The following MCM3AP variants were observed in gnomAD, a reference collection of about 807,000 sequenced individuals.
The protein encoded by MCM3AP is minichromosome maintenance complex component 3 associated protein.
In MCM3AP, 126 loss-of-function variants were observed where a neutral mutation model predicts 184.1. The observed-to-expected ratio is 0.68, with a 90% CI of 0.59 to 0.79. The LOEUF is 0.79. Ranked by LOEUF, MCM3AP falls within the 30% of genes least tolerant of loss-of-function variation. The pLI is 0.00. For synonymous variants in MCM3AP, 1,002 were observed against 979.3 expected, an observed-to-expected ratio of 1.02 and a Z score of -0.43; for missense variants, 2,496 against 2,479.2, an observed-to-expected ratio of 1.01 and a Z score of -0.14.
intron 27 of MCM3AP, among the ~76,000 whole-genome samples, chr21:46,236,031 TTC>T (rs2080518340): frequency 1.3e-5 from 2 of 152,364 alleles, no homozygotes; most frequent in African/African-American, 2.4e-5. Flanking sequence ...CGGATATTTA[TTC>T]TGTTTCGACT....
intron 9 of MCM3AP, chr21:46,267,499 G>C (rs1014771709): frequency 5.1e-5 from 10 of 197,926 alleles, no homozygotes; most frequent in Non-Finnish European, 1.0e-4. Flanking sequence ...GGACCCCGGA[G>C]ACCATGGAAT....
At chr21:46,283,221 G>A (rs527500038) in intron 2 of MCM3AP, among the ~76,000 whole-genome samples, 2 of 152,204 alleles carry the variant, frequency 1.3e-5, no homozygotes, top group African/African-American at 4.8e-5. Flanking sequence ...CACCACGCCC[G>A]GCCAATTTCA....
At chr21:46,268,699 C>T (rs553038224) in intron 9 of MCM3AP, among the ~76,000 whole-genome samples, 39 of 152,258 alleles carry the variant, frequency 2.6e-4, no homozygotes, top group Admixed American at 1.5e-3. Context: ...GCGCCACTGC[C>T]GGTGAAGAGC....
chr21:46,284,978 A>C lies in MCM3AP; in HGVS notation c.309T>G (p.Ser103=), dbSNP rs777873237. The change falls in exon 1 of 28, where the codon TCT becomes TCG. Residue 103 remains serine (S), a synonymous_variant. Coordinates refer to ENST00000291688, the MANE Select transcript of MCM3AP (RefSeq NM_003906.5). ...FVATSGPSSS[S]VLGNTGFSFK... is the part of the protein sequence containing the mutation. Reference sequence around the variant, plus strand: ...AACTAAATCCTGTGTTTCCCAGCACAGATGAACTTGAAGGCCCAGAGGTAG... The same window carrying C: ...AACTAAATCCTGTGTTTCCCAGCACCGATGAACTTGAAGGCCCAGAGGTAG... The C allele has an allele frequency of 1.2e-6, 2 of 1,614,198 alleles. No homozygotes were observed. The highest frequency in any genetic ancestry group is 3.3e-5 in the Admixed American group (2 of 60,028).
In MCM3AP at chr21:46,265,998, C is replaced by A; in HGVS notation, c.2958G>T (p.Gln986His). 6.2e-7 allele frequency: 1 copy of A among 1,608,614 alleles called. No homozygotes were observed. The highest frequency in any genetic ancestry group is 1.1e-5 in the South Asian group (1 of 89,104). The change falls in exon 11 of 28, where the codon CAG (glutamine) becomes CAT (histidine). Residue 986 changes from glutamine to histidine, a missense_variant. Gln to His is a conservative substitution (Grantham distance 24). Around this residue, in one of 5 missense-constraint regions of MCM3AP, gnomAD observed 1,323 missense variants for 1,273.4 expected, o/e 1.04. Coordinates refer to ENST00000291688, the MANE Select transcript of MCM3AP (RefSeq NM_003906.5). ...CCAGGCTCTCCCCGATGTACTTGTT[C>A]TGGGAGTTGAAGCTGCACACAGGGG... ...RHTPVCSFNS[Q>H]NKYIGESLAA...
Position 46,284,785 on chromosome 21 carries a change from G to A in MCM3AP, c.502C>T (p.Gln168Ter). 1 of 1,613,722 alleles carries A rather than the reference G, an allele frequency of 6.2e-7. No individual in the cohort carries two copies. The highest frequency in any genetic ancestry group is 8.5e-7 in the Non-Finnish European group (1 of 1,179,912). The stretch of plus-strand genomic sequence containing the variant: ...AAAAACCCAGAAGCAATTTGGCTCT[G>A]GGTTTTCTCTGGCTCAGATTCAGCC... Reference protein sequence around the residue: ...LGAESEPEKTQSQIASGFFTF... With the variant: ...LGAESEPEKT The change falls in exon 1 of 28, where the codon CAG becomes TAG. Residue 168 changes from glutamine to a stop codon, truncating the protein, a stop_gained. Transcript: ENST00000291688. LOFTEE classifies it high-confidence loss of function.
chr21:46,243,026 C>A, intron 24 of MCM3AP, 95 bp from the exon 25 acceptor site: 2 of 1,151,714 alleles, frequency 1.7e-6, no homozygotes, highest in Non-Finnish European at 2.4e-6. Context: ...AAAACAGGTA[C>A]AAATAATATT....
At chr21:46,283,926 G>C in intron 1 of MCM3AP, 88 bp from the exon 2 acceptor site, 1 of 1,548,930 alleles carries the variant, frequency 6.5e-7, no homozygotes, top group Non-Finnish European at 8.8e-7. Flanking sequence ...GAAATTTTCA[G>C]ATGTAAGACC....
At chr21:46,248,805 A>G (rs2080821375) in intron 20 of MCM3AP, among the ~76,000 whole-genome samples, 1 of 152,212 alleles carries the variant, frequency 6.6e-6, no homozygotes, top group African/African-American at 2.4e-5. Flanking sequence ...CAATTGGAAA[A>G]TAAAGTCAAG....
At chr21:46,239,805 G>A (rs997459967) in intron 26 of MCM3AP, among the ~76,000 whole-genome samples, 1 of 152,034 alleles carries the variant, frequency 6.6e-6, no homozygotes, top group African/African-American at 2.4e-5. Context: ...ATGAATCCAG[G>A]GGGCAGCTGG....
chr21:46,251,721 TGAA>T (rs1773379104), intron 19 of MCM3AP, 39 bp from the exon 20 acceptor site: 2 of 1,276,004 alleles, frequency 1.6e-6, no homozygotes, highest in Non-Finnish European at 2.2e-6. Flanking sequence ...AAAAAACACT[TGAA>T]GAATCTAATT....
chr21:46,238,776 C>T (rs1305959478), intron 26 of MCM3AP, among the ~76,000 whole-genome samples: 1 of 152,146 alleles, frequency 6.6e-6, no homozygotes, highest in Non-Finnish European at 1.5e-5. Flanking sequence ...TAATCGGACA[C>T]ATTCATTCAC....
At chr21:46,278,742 C>T (rs1307401901) in intron 4 of MCM3AP, among the ~76,000 whole-genome samples, 1 of 151,750 alleles carries the variant, frequency 6.6e-6, no homozygotes, top group Non-Finnish European at 1.5e-5. Context: ...GGCGCAATCT[C>T]GGCTCACTGC....
chr21:46,245,234 A>G (rs1358476137), intron 22 of MCM3AP, 37 bp from the exon 23 acceptor site: 2 of 1,560,576 alleles, frequency 1.3e-6, no homozygotes, highest in Non-Finnish European at 1.7e-6. Context: ...AACAATTCAC[A>G]CTGTTTTTCA....
At chr21:46,265,278 A>G (rs1475772020) in intron 12 of MCM3AP, 43 bp downstream of exon 12, 1 of 1,589,182 alleles carries the variant, frequency 6.3e-7, no homozygotes, top group East Asian at 2.2e-5. Context: ...TTTGCGCACA[A>G]TGGGCTTCCC....
Position 46,284,864 on chromosome 21 carries a change from T to A in MCM3AP, c.423A>T (p.Lys141Asn). 6.2e-7 allele frequency: 1 copy of A among 1,614,168 alleles called. No individual in the cohort carries two copies. Among genetic ancestry groups the A allele is most frequent in the Admixed American group, 1.7e-5 (1 of 60,018 alleles). ...CCAGAGGTTTAAAGCTGAATTCTGT[T>A]TTCCCAAAACCAGAGTTCACTATTT... Reference protein sequence around the residue: ...AGEIVNSGFGKTEFSFKPLEN... With the variant: ...AGEIVNSGFGNTEFSFKPLEN... Residue 141 changes from lysine to asparagine, a missense_variant, in exon 1 of 28, where the codon AAA becomes AAT. Lys to Asn is a moderately conservative substitution (Grantham distance 94). Around this residue, in one of 5 missense-constraint regions of MCM3AP, gnomAD observed 800 missense variants for 717.1 expected, o/e 1.12. Coordinates refer to ENST00000291688, the MANE Select transcript of MCM3AP (RefSeq NM_003906.5).
rs1025983307 is a variant in MCM3AP at position 46,272,733 on chromosome 21, C to T, written c.2293G>A (p.Glu765Lys). 5 of 1,614,024 alleles carry T rather than the reference C, an allele frequency of 3.1e-6. No homozygotes were observed. Among genetic ancestry groups the T allele is most frequent in the Non-Finnish European group, 4.2e-6 (5 of 1,180,028 alleles). The change falls in exon 8 of 28, where the codon GAG (glutamate) becomes AAG (lysine). Residue 765 changes from glutamate (E) to lysine (K), a missense_variant. Glu to Lys is a moderately conservative substitution (Grantham distance 56). This residue lies in a region of MCM3AP where 105 missense variants were observed against 97.1 expected (regional missense o/e 1.08). Coordinates refer to ENST00000291688, the MANE Select transcript of MCM3AP (RefSeq NM_003906.5). ...HIHCAHFMCEEPMSSFDAKIN... is the reference protein window; with the variant it reads ...HIHCAHFMCEKPMSSFDAKIN... ...TTGGCATCAAAGGAGGACATGGGCT[C>T]CTCACACATGAAGTGGGCACAGTGG... is the stretch of plus-strand genomic sequence containing the variant.
In MCM3AP at chr21:46,244,967, T is replaced by A; in HGVS notation, c.4878A>T (p.Glu1626Asp). 1 of 1,614,122 alleles carries A rather than the reference T, an allele frequency of 6.2e-7. No homozygotes were observed. Among genetic ancestry groups the A allele is most frequent in the African/African-American group, 1.3e-5 (1 of 75,012 alleles). The change falls in exon 23 of 28, where the codon GAA becomes GAT. Residue 1626 changes from glutamate (E) to aspartate (D), a missense_variant. Physicochemically the swap from Glu to Asp is conservative, Grantham distance 45. Coordinates refer to ENST00000291688, the MANE Select transcript of MCM3AP (RefSeq NM_003906.5). The part of the protein sequence containing the change: ...LQFLASVVSS[E>D]QLCDLSWPVT... ...CAGGCCAGGACAGGTCACACAGCTG[T>A]TCAGAGGACACCACAGAAGCCAGGA...
At chr21:46,282,929 CTT>C (rs1035299548) in intron 2 of MCM3AP, among the ~76,000 whole-genome samples, 3 of 151,680 alleles carry the variant, frequency 2.0e-5, no homozygotes, top group African/African-American at 7.3e-5. Context: ...CACTTTTTTT[CTT>C]TTTCTTTTTT....
Sources: gnomAD v4.1 joint callset for allele counts (sites outside exome capture counted in the v4.1 genomes callset) on GRCh38, gnomAD v4.1.1 for gene constraint, gnomAD v4.1.1 regional missense constraint, MANE v1.5 for transcripts, NCBI Gene and HGNC (gene_info 2026-07-23, HGNC 2026-07-21) for gene names.